CHD2: variants seen among roughly 807,000 people sequenced by gnomAD.
The protein encoded by CHD2 is ATP-dependent chromatin remodeler CHD2.
Under a neutral mutation model 243.9 loss-of-function variants are expected in CHD2, and 28 were observed. The observed-to-expected ratio is 0.11, with a 90% confidence interval of 0.09 to 0.16. CHD2 has a LOEUF of 0.16. Among genes scored for constraint, CHD2 ranks in the 10% least tolerant of loss-of-function variants. CHD2 has a pLI of 1.00. For missense variants in CHD2, 1,386 were observed against 2,209.8 expected (o/e 0.63, Z 7.47); for synonymous variants, 775 against 779.0 (o/e 0.99, Z 0.09).
chr15:92,904,418 A>G, intron 2 of CHD2: 1 of 982,834 alleles, frequency 1.0e-6, no homozygotes, highest in Non-Finnish European at 1.2e-6. Context: ...CGGGGAGAGA[A>G]CGCAGTGACG....
chr15:93,014,226 A>G (rs1469800847), intron 36 of CHD2, among the ~76,000 whole-genome samples: 1 of 152,094 alleles, frequency 6.6e-6, no homozygotes, highest in East Asian at 1.9e-4. Flanking sequence ...TTTTTATATC[A>G]AACATTTGAC....
At chr15:92,929,986 T>C (rs1440824381) in intron 5 of CHD2, among the ~76,000 whole-genome samples, 5 of 150,108 alleles carry the variant, frequency 3.3e-5, no homozygotes, top group African/African-American at 1.2e-4. Context: ...TTTTGTGACA[T>C]TAAATAAATG....
chr15:92,939,815 T>C (rs556323345), intron 7 of CHD2, 97 bp downstream of exon 7: 3 of 1,263,298 alleles, frequency 2.4e-6, no homozygotes, highest in Non-Finnish European at 3.2e-6. Flanking sequence ...ACTTAATAGA[T>C]AAAAATAACA....
rs377400826 is a variant in CHD2 at position 92,992,922 on chromosome 15, G to C, written c.3519G>C (p.Leu1173=). The stretch of plus-strand genomic sequence containing the variant: ...AGTCGGTGGCAGATCTGAAGCGCCT[G>C]GGTGAACTGATCCACAACAGCTGTG... ...VDKSVADLKR[L]GELIHNSCVS... is the part of the protein sequence containing the mutation. Residue 1173 remains leucine, a synonymous_variant, in exon 28 of 39, where the codon CTG becomes CTC. Coordinates refer to ENST00000394196, the MANE Select transcript of CHD2 (RefSeq NM_001271.4). 6.2e-7 allele frequency: 1 copy of C among 1,614,160 alleles called. No individual in the cohort carries two copies.
chr15:92,904,176 C>G (rs1478205787), intron 2 of CHD2, among the ~76,000 whole-genome samples: 1 of 152,264 alleles, frequency 6.6e-6, no homozygotes, highest in East Asian at 1.9e-4. Flanking sequence ...CATCTTGATG[C>G]AGGTCCAGCT....
At chr15:93,000,489 C>A (rs772545317) in intron 31 of CHD2, 23 bp from the exon 32 acceptor site, 13 of 1,595,270 alleles carry the variant, frequency 8.1e-6, no homozygotes, top group East Asian at 2.2e-5. Context: ...GTATTTTAAT[C>A]ATCATTTTCT....
At chr15:92,954,346 T>C (rs1162526825) in intron 14 of CHD2, 1 of 152,248 alleles carries the variant, frequency 6.6e-6, no homozygotes, top group Non-Finnish European at 1.5e-5. Flanking sequence ...GGTGTTTCTA[T>C]CTAGTCTAGA....
intron 3 of CHD2, 23 bp from the exon 4 acceptor site, chr15:92,927,221 T>C (rs766343085): frequency 1.9e-6 from 3 of 1,542,614 alleles, no homozygotes; most frequent in South Asian, 2.3e-5. Context: ...AAAAGATTAA[T>C]GCGTGGTCTC....
At chr15:92,940,781 TAAAAA>T in intron 7 of CHD2, among the ~76,000 whole-genome samples, 1 of 138,160 alleles carries the variant, frequency 7.2e-6, no homozygotes, top group East Asian at 2.0e-4. Context: ...ATAAAAAATA[TAAAAA>T]ATATATAAAT....
In CHD2 at chr15:93,025,305, C is replaced by T. The variant is rs1206871758; in HGVS notation, c.*600C>T. Reference sequence around the variant, plus strand: ...TACACTCGGCCTCATTATGTGAAACCTGTGGGTGGGGTTGGGGTGGAGAAG... The same window carrying T: ...TACACTCGGCCTCATTATGTGAAACTTGTGGGTGGGGTTGGGGTGGAGAAG... On this transcript the variant is annotated 3_prime_UTR_variant, in exon 39 of 39. Transcript: ENST00000394196. 6.5e-6 allele frequency: 1 copy of T among 152,850 alleles called. No homozygotes were observed. Among genetic ancestry groups the T allele is most frequent in the African/African-American group, 2.4e-5 (1 of 41,440 alleles). 9.5% of individuals were successfully genotyped at this position (152,850 alleles called of 1,614,324 possible).
At chr15:93,001,577 C>T (rs1022984800) in intron 32 of CHD2, among the ~76,000 whole-genome samples, 4 of 152,102 alleles carry the variant, frequency 2.6e-5, no homozygotes, top group African/African-American at 7.2e-5. Context: ...AGTGCAGTGG[C>T]GCGATCTGGG....
chr15:93,006,366 C>T (rs2054322182), intron 34 of CHD2, among the ~76,000 whole-genome samples: 1 of 152,114 alleles, frequency 6.6e-6, no homozygotes, highest in Non-Finnish European at 1.5e-5. Context: ...ACCTCATGAT[C>T]TGCCCACCTC....
intron 2 of CHD2, among the ~76,000 whole-genome samples, chr15:92,916,997 G>A (rs2052851429): frequency 6.6e-6 from 1 of 152,150 alleles, no homozygotes; most frequent in Non-Finnish European, 1.5e-5. Context: ...TTAAAAATGA[G>A]TTTATTGGCC....
intron 26 of CHD2, among the ~76,000 whole-genome samples, chr15:92,985,997 GAA>G (rs1473639663): frequency 6.6e-6 from 1 of 152,052 alleles, no homozygotes; most frequent in Non-Finnish European, 1.5e-5. Context: ...GTATATAAAA[GAA>G]ATATCAAAAA....
intron 5 of CHD2, among the ~76,000 whole-genome samples, chr15:92,934,111 T>A (rs1449904770): frequency 6.6e-6 from 1 of 152,232 alleles, no homozygotes; most frequent in Non-Finnish European, 1.5e-5. Context: ...GGAGTTTTCT[T>A]TTTTACAGAC....
intron 32 of CHD2, among the ~76,000 whole-genome samples, chr15:93,001,317 T>A (rs1484793937): frequency 6.6e-6 from 1 of 152,152 alleles, no homozygotes; most frequent in African/African-American, 2.4e-5. Flanking sequence ...CTCCTGTGGG[T>A]CAGGTTTGGC....
chr15:92,909,068 G>A (rs2052677964), intron 2 of CHD2, among the ~76,000 whole-genome samples: 1 of 134,294 alleles, frequency 7.4e-6, no homozygotes, highest in African/African-American at 2.6e-5. Context: ...GCAGTTAGAT[G>A]AACTGACACA....
In CHD2 at chr15:92,985,481, G is replaced by T; in HGVS notation, c.3238-17G>T. On this transcript the variant is annotated splice_polypyrimidine_tract_variant and intron_variant, in intron 25 of 38. Coordinates refer to ENST00000394196, the MANE Select transcript of CHD2 (RefSeq NM_001271.4). Reference sequence around the variant, plus strand: ...TTCGCACTTGTTACAGTGTGACTTTGCCTCGATCTTTCTCAGGCTCAGACA... The same window carrying T: ...TTCGCACTTGTTACAGTGTGACTTTTCCTCGATCTTTCTCAGGCTCAGACA... The T allele has an allele frequency of 1.2e-6, 2 of 1,600,250 alleles. No individual in the cohort carries two copies. The highest frequency in any genetic ancestry group is 1.7e-6 in the Non-Finnish European group (2 of 1,171,118).
At chr15:92,931,445 C>T (rs1025706950) in intron 5 of CHD2, among the ~76,000 whole-genome samples, 2 of 152,050 alleles carry the variant, frequency 1.3e-5, no homozygotes, top group Admixed American at 6.5e-5. Flanking sequence ...AGTGGTGCAA[C>T]CTTGGCTCTC....
Sources: gnomAD v4.1 joint callset for allele counts (sites outside exome capture counted in the v4.1 genomes callset) on GRCh38, gnomAD v4.1.1 for gene constraint, MANE v1.5 for transcripts, NCBI Gene and HGNC (gene_info 2026-07-23, HGNC 2026-07-21) for gene names.